Variants in DZANK1 observed in about 807,000 individuals in gnomAD.
The protein encoded by DZANK1 is double zinc ribbon and ankyrin repeat domains 1, also known as double zinc ribbon and ankyrin repeat-containing protein 1.
A neutral mutation model predicts 94.5 loss-of-function variants in DZANK1; 91 were observed. The ratio of observed to expected loss-of-function variants is 0.96; its 90% CI spans 0.81 to 1.15. DZANK1 has a LOEUF of 1.15. Ranked by LOEUF, DZANK1 falls within the 50% of genes most tolerant of loss-of-function variation. The pLI, the probability that DZANK1 is intolerant of heterozygous loss-of-function variation, is 0.00. For missense variants in DZANK1, 903 were observed against 916.4 expected, an observed-to-expected ratio of 0.99 and a Z score of 0.19; for synonymous variants, 312 against 325.3, an observed-to-expected ratio of 0.96 and a Z score of 0.44.
At chr20:18,423,150 T>C (rs2057875000) in intron 10 of DZANK1, among the ~76,000 whole-genome samples, 1 of 152,192 alleles carries the variant, frequency 6.6e-6, no homozygotes, top group Admixed American at 6.5e-5. Flanking sequence ...GAGTAAAGTT[T>C]GCAACCTAGG....
At chr20:18,406,774 G>A (rs556462039) in intron 13 of DZANK1, among the ~76,000 whole-genome samples, 1 of 152,346 alleles carries the variant, frequency 6.6e-6, no homozygotes, top group South Asian at 2.1e-4. Flanking sequence ...CTAGGGCCTT[G>A]GACAGGATTT....
intron 17 of DZANK1, among the ~76,000 whole-genome samples, chr20:18,391,105 C>T (rs1212173227): frequency 5.3e-5 from 8 of 152,160 alleles, no homozygotes; most frequent in Non-Finnish European, 1.2e-4. Flanking sequence ...GCAGGAGAAT[C>T]GCTTGAATCC....
intron 13 of DZANK1, among the ~76,000 whole-genome samples, chr20:18,402,170 A>G (rs142863103): frequency 0.016 from 2,494 of 152,264 alleles, 27 homozygotes; most frequent in Non-Finnish European, 0.019. Flanking sequence ...AGACATGAGC[A>G]GGGCAGGAAA....
rs1243937905 is a variant in DZANK1, at chr20:18,413,071, T to G, written c.1243-236A>C. On this transcript the variant is annotated intron_variant, in intron 12 of 20. Transcript: ENST00000262547. ...GGATTAGCCATTTATTATCTAAAAG[T>G]CAGCAAATCAAGGGGTGTTTGCCGG... 12 of 585,794 alleles carry G rather than the reference T, an allele frequency of 2.0e-5. No homozygotes were observed. In the East Asian group the frequency reaches 3.4e-4, roughly 17 times the overall value. The allele number at this position is 585,794 out of a possible 1,614,324, so 36.3% of individuals were successfully genotyped here. A position where few individuals can be genotyped will look rare whatever the true frequency, so the allele number is the denominator to read the frequency against.
intron 19 of DZANK1, among the ~76,000 whole-genome samples, chr20:18,387,809 T>G (rs2048598221): frequency 6.6e-6 from 1 of 152,230 alleles, no homozygotes; most frequent in South Asian, 2.1e-4. Context: ...CCAAGCTACT[T>G]AATGGAAGTT....
At chr20:18,461,299 T>C (rs2059462877) in intron 2 of DZANK1, among the ~76,000 whole-genome samples, 1 of 152,198 alleles carries the variant, frequency 6.6e-6, no homozygotes, top group Non-Finnish European at 1.5e-5. Context: ...CATTTATCAG[T>C]ATGTCTTATA....
chr20:18,394,563 C>G (rs894133308), intron 15 of DZANK1: 2 of 683,882 alleles, frequency 2.9e-6, no homozygotes, highest in Non-Finnish European at 5.4e-6. Flanking sequence ...CAGTCTGGCC[C>G]CTCCTCCTCT....
chr20:18,436,443 C>CAAA lies in DZANK1; in HGVS notation c.748-2681_748-2679dup, dbSNP rs767717764. On this transcript the variant is annotated intron_variant, in intron 8 of 20. Transcript: ENST00000262547. Reference sequence around the variant, plus strand: ...TGGGGGACAGAGCGAGACTCCATCTCAAAAAAAAAAAAAAAAAATCACCAG... The same window carrying CAAA: ...TGGGGGACAGAGCGAGACTCCATCTCAAAAAAAAAAAAAAAAAAAAATCACCAG... 2.8e-3 allele frequency among the ~76,000 whole-genome samples: 289 copies of CAAA among 103,478 alleles called. 5 individuals carry two copies. The highest frequency in any genetic ancestry group is 7.0e-3 in the South Asian group (21 of 3,006). 67.9% of individuals were successfully genotyped at this position (103,478 alleles called of 152,430 possible).
At position 18,427,087 on chromosome 20, in the gene DZANK1, C is replaced by T. The variant is rs947679909; in HGVS notation, c.934G>A (p.Ala312Thr). 1.9e-6 allele frequency: 3 copies of T among 1,611,470 alleles called. No homozygotes were observed. The African/African-American group carries it at 4.0e-5, about 22-fold the overall frequency. ...CCTACCTCTTGTGATGAAGGCAGGG[C>T]CCCCTCACAGGTGACACAGTATCTC... Residue 312 changes from alanine (A) to threonine (T), a missense_variant, in exon 10 of 21, where the codon GCC becomes ACC. Physicochemically the swap from Ala to Thr is moderately conservative, Grantham distance 58 (BLOSUM62 0). Coordinates refer to ENST00000262547, the Ensembl canonical transcript of DZANK1.
exon 4 of DZANK1, chr20:18,455,291 G>T (rs770805545): frequency 6.2e-7 from 1 of 1,609,500 alleles, no homozygotes; most frequent in Non-Finnish European, 8.5e-7. Context: ...TTGTCTTCAG[G>T]AGAGACTATA....
At chr20:18,463,476 C>T (rs781177818) in intron 2 of DZANK1, among the ~76,000 whole-genome samples, 45 of 150,192 alleles carry the variant, frequency 3.0e-4, no homozygotes, top group Non-Finnish European at 6.3e-4. Context: ...CACATGTACC[C>T]CCAAGCCTAA....
intron 8 of DZANK1, among the ~76,000 whole-genome samples, chr20:18,439,071 G>A (rs2058635585): frequency 6.6e-6 from 1 of 152,180 alleles, no homozygotes; most frequent in South Asian, 2.1e-4. Context: ...ACAAGTCAGA[G>A]TTGAGGTTAA....
At chr20:18,389,180 TG>T in intron 19 of DZANK1, among the ~76,000 whole-genome samples, 1 of 152,288 alleles carries the variant, frequency 6.6e-6, no homozygotes, top group African/African-American at 2.4e-5. Flanking sequence ...TAACAGGACT[TG>T]GTACCTTTCT....
chr20:18,414,200 C>CA, intron 12 of DZANK1, 148 bp downstream of exon 12: 1 of 887,484 alleles, frequency 1.1e-6, no homozygotes, highest in Non-Finnish European at 1.7e-6. Context: ...AAATTGACTG[C>CA]ATTTATTTAC....
chr20:18,452,472 T>C, intron 6 of DZANK1, 143 bp downstream of exon 6: 1 of 946,576 alleles, frequency 1.1e-6, no homozygotes, highest in Middle Eastern at 3.4e-4. Flanking sequence ...GGGACTTTTC[T>C]TGTCCAGTAC....
intron 6 of DZANK1, 111 bp downstream of exon 6, chr20:18,452,504 G>C (rs762382850): frequency 1.5e-5 from 19 of 1,277,628 alleles, no homozygotes; most frequent in Non-Finnish European, 2.0e-5. Flanking sequence ...CACTAGAACA[G>C]TGCCTGGCAC....
At chr20:18,424,480 A>AAAAG (rs1568950347) in intron 10 of DZANK1, among the ~76,000 whole-genome samples, 10 of 149,132 alleles carry the variant, frequency 6.7e-5, no homozygotes, top group African/African-American at 2.0e-4. Context: ...AAAAAAAAAA[A>AAAAG]AAAAGAAAAG....
At chr20:18,384,482 T>C in exon 21 of DZANK1, 5 of 1,612,118 alleles carry the variant, frequency 3.1e-6, no homozygotes, top group African/African-American at 1.3e-5. Context: ...AAGAGTGAGG[T>C]GACAAGGTCA....
intron 10 of DZANK1, among the ~76,000 whole-genome samples, chr20:18,422,462 GA>G (rs2057828848): frequency 6.6e-6 from 1 of 152,090 alleles, no homozygotes; most frequent in Non-Finnish European, 1.5e-5. Context: ...TCTCTAATCT[GA>G]AAATCTAAAA....
Sources: allele counts gnomAD v4.1 joint callset (sites outside exome capture counted in the v4.1 genomes callset), GRCh38; gene constraint gnomAD v4.1.1; transcripts MANE v1.5; gene names NCBI Gene and HGNC (gene_info 2026-07-23, HGNC 2026-07-21).